Variants in PDE5A observed in about 807,000 individuals in gnomAD.
PDE5A encodes the protein phosphodiesterase 5A.
A neutral mutation model predicts 110.2 loss-of-function variants in PDE5A; 67 were observed. The observed-to-expected ratio is 0.61, with a 90% CI of 0.50 to 0.75. PDE5A has a LOEUF of 0.75. PDE5A is among the 30% of genes least tolerant of loss of function. The pLI is 0.00. For missense variants in PDE5A, 862 were observed against 1,045.1 expected (o/e 0.82, Z 2.42); for synonymous variants, 328 against 351.2 (o/e 0.93, Z 0.74).
chr4:119,503,311 G>T (rs182989863), intron 18 of PDE5A, among the ~76,000 whole-genome samples: 1 of 152,098 alleles, frequency 6.6e-6, no homozygotes, highest in African/African-American at 2.4e-5. Flanking sequence ...ATATGTCACT[G>T]CATGGACATC....
chr4:119,622,059 A>G (rs1006504492), intron 1 of PDE5A, among the ~76,000 whole-genome samples: 2 of 152,046 alleles, frequency 1.3e-5, no homozygotes, highest in African/African-American at 4.8e-5. Context: ...CTGTAGTCCC[A>G]GCTACTCGGG....
At chr4:119,528,688 C>G (rs774218267) in intron 11 of PDE5A, 1 of 152,092 alleles carries the variant, frequency 6.6e-6, no homozygotes, top group Non-Finnish European at 1.5e-5. Context: ...TAGACTATCT[C>G]TAAGGTTTAA....
At chr4:119,529,149 G>T (rs1726437885) in intron 11 of PDE5A, among the ~76,000 whole-genome samples, 1 of 151,690 alleles carries the variant, frequency 6.6e-6, no homozygotes, top group African/African-American at 2.4e-5. Flanking sequence ...AAGTGTCTAT[G>T]TATTTGTCAT....
chr4:119,563,783 G>C (rs774607579), intron 5 of PDE5A, among the ~76,000 whole-genome samples: 3 of 152,088 alleles, frequency 2.0e-5, no homozygotes, highest in Non-Finnish European at 2.9e-5. Flanking sequence ...GGAAGGAAGT[G>C]GTGTGATCCC....
At chr4:119,540,742 G>A (rs1056154504) in intron 10 of PDE5A, among the ~76,000 whole-genome samples, 1 of 152,062 alleles carries the variant, frequency 6.6e-6, no homozygotes, top group African/African-American at 2.4e-5. Context: ...TTATTTTATT[G>A]TTATTAGAAT....
chr4:119,496,233 G>A lies in PDE5A; in HGVS notation c.*2368C>T, dbSNP rs1725066747. 1 of 152,098 alleles carries A rather than the reference G, an allele frequency of 6.6e-6. No individual in the cohort carries two copies. Among genetic ancestry groups the A allele is most frequent in the Non-Finnish European group, 1.5e-5 (1 of 68,004 alleles). The allele number at this position is 152,098 out of a possible 1,614,324, so 9.4% of individuals were successfully genotyped here. On this transcript the variant is annotated 3_prime_UTR_variant, in exon 21 of 21. Transcript: ENST00000354960. ...AATCTAGAACAAGAACTTCTTGCTA[G>A]TTATGGGTAATATAAATACAGAGTA...
intron 3 of PDE5A, among the ~76,000 whole-genome samples, chr4:119,577,638 C>G (rs932060031): frequency 5.9e-5 from 9 of 152,106 alleles, no homozygotes; most frequent in Non-Finnish European, 7.4e-5. Context: ...TTTCAACAAC[C>G]CTTCATGCTA....
In PDE5A at chr4:119,627,129, G is replaced by A. The variant is rs767927864; in HGVS notation, c.152+1391C>T. The stretch of plus-strand genomic sequence containing the variant: ...CCCGGAAAAAGTGGGAAGGGACGTA[G>A]GGGGATGCTGAAGGAAGTACCTTGT... On this transcript the variant is annotated intron_variant, in intron 1 of 20. Coordinates refer to ENST00000354960, the MANE Select transcript of PDE5A (RefSeq NM_001083.4). The surrounding 1 kb of genome is among the most constrained non-coding windows in gnomAD (Gnocchi z 4.6). The A allele has an allele frequency of 3.1e-6, 5 of 1,612,130 alleles. No homozygotes were observed. In the Admixed American group the frequency reaches 5.0e-5, roughly 16 times the overall value.
intron 10 of PDE5A, 44 bp from the exon 11 acceptor site, chr4:119,539,063 A>G (rs747621743): frequency 7.1e-7 from 1 of 1,412,960 alleles, no homozygotes; most frequent in Admixed American, 1.7e-5. Flanking sequence ...GGAGAGAACT[A>G]CCACATGTAG....
intron 12 of PDE5A, among the ~76,000 whole-genome samples, chr4:119,521,702 AT>A (rs1726135232): frequency 1.3e-5 from 2 of 151,984 alleles, no homozygotes; most frequent in African/African-American, 2.4e-5. Flanking sequence ...TAAAAAAAAA[AT>A]GTGCCAAATA....
At chr4:119,514,334 C>CAACA (rs1220992416) in intron 14 of PDE5A, among the ~76,000 whole-genome samples, 1 of 152,172 alleles carries the variant, frequency 6.6e-6, no homozygotes, top group Non-Finnish European at 1.5e-5. Flanking sequence ...CAAGAACAAA[C>CAACA]AACATCCTTG....
At chr4:119,590,848 C>T (rs188066810) in intron 3 of PDE5A, among the ~76,000 whole-genome samples, 243 of 152,232 alleles carry the variant, frequency 1.6e-3, no homozygotes, top group Middle Eastern at 0.014. Flanking sequence ...AAACAGCTTT[C>T]CAGAGTTGGT....
chr4:119,622,087 T>C (rs1730167342), intron 1 of PDE5A, among the ~76,000 whole-genome samples: 1 of 150,932 alleles, frequency 6.6e-6, no homozygotes, highest in Non-Finnish European at 1.5e-5. Flanking sequence ...GGCAAGAGAA[T>C]GGCCTGAACC....
chr4:119,616,666 AG>A (rs2110559910), intron 1 of PDE5A, among the ~76,000 whole-genome samples: 2 of 152,234 alleles, frequency 1.3e-5, no homozygotes, highest in East Asian at 3.9e-4. Context: ...CAGCTGCTGC[AG>A]GAAAAGGCGA....
intron 3 of PDE5A, among the ~76,000 whole-genome samples, chr4:119,594,797 G>C (rs1204595599): frequency 6.6e-6 from 1 of 152,184 alleles, no homozygotes; most frequent in Non-Finnish European, 1.5e-5. Flanking sequence ...AGAAGTAACT[G>C]ACTTAGGGCC....
chr4:119,546,322 A>T (rs1430408638), intron 9 of PDE5A, among the ~76,000 whole-genome samples: 1 of 152,096 alleles, frequency 6.6e-6, no homozygotes, highest in Non-Finnish European at 1.5e-5. Context: ...TTTCTTGGAG[A>T]TACATAAAAT....
intron 5 of PDE5A, 79 bp downstream of exon 5, chr4:119,565,242 T>A: frequency 2.2e-6 from 2 of 914,564 alleles, no homozygotes; most frequent in East Asian, 5.1e-5. Context: ...TTTTTAATCA[T>A]CTGCATACAT....
chr4:119,520,614 T>G (rs1456480373), intron 13 of PDE5A, among the ~76,000 whole-genome samples: 3 of 152,078 alleles, frequency 2.0e-5, no homozygotes, highest in Non-Finnish European at 4.4e-5. Flanking sequence ...AATGTGATAC[T>G]TTTTCTTACT....
intron 9 of PDE5A, chr4:119,543,059 C>CACACACACACAG (rs1727001496): frequency 6.5e-6 from 1 of 152,724 alleles, no homozygotes; most frequent in Non-Finnish European, 1.4e-5. Context: ...CACACACACA[C>CACACACACACAG]ACACACACAC....
Sources: allele counts gnomAD v4.1 joint callset (sites outside exome capture counted in the v4.1 genomes callset), GRCh38; gene constraint gnomAD v4.1.1; non-coding constraint Gnocchi (gnomAD v3.1); transcripts MANE v1.5; gene names NCBI Gene and HGNC (gene_info 2026-07-23, HGNC 2026-07-21).